OCRL: variants seen among roughly 807,000 people sequenced by gnomAD.
OCRL encodes the protein OCRL inositol polyphosphate-5-phosphatase.
A neutral mutation model predicts 78.9 loss-of-function variants in OCRL; 8 were observed. The observed-to-expected ratio is 0.10, with a 90% CI of 0.06 to 0.18. The LOEUF (loss-of-function observed/expected upper bound fraction) is 0.18. Among genes scored for constraint, OCRL ranks in the 10% least tolerant of loss-of-function variants. OCRL has a pLI of 1.00. For synonymous variants in OCRL, 240 were observed against 235.4 expected (o/e 1.02, Z -0.18); for missense variants, 454 against 696.7 (o/e 0.65, Z 3.92).
chrX:129,570,366 A>G (rs903781491), intron 15 of OCRL, among the ~76,000 whole-genome samples: 3 of 111,711 alleles, frequency 2.7e-5, no homozygotes, highest in Admixed American at 1.9e-4. Context: ...TTCCTCCTCT[A>G]TTAAGCGTGG....
chrX:129,545,069 A>G lies in OCRL; in HGVS notation c.199+32A>G, dbSNP rs180956085. The stretch of plus-strand genomic sequence containing the variant: ...GCTTTAATTCCTTAGCTAGTTTTAT[A>G]ATGTTTTTTCTCGGTCATTACTGCA... On this transcript the variant is annotated intron_variant, in intron 3 of 23. Transcript: ENST00000371113. 2.5e-3 allele frequency: 2,002 copies of G among 803,736 alleles called. 22 individuals carry two copies. The African/African-American group carries it at 0.036, about 15-fold the overall frequency. The allele number at this position is 803,736 out of a possible 1,213,427, so 66.2% of individuals were successfully genotyped here.
intron 12 of OCRL, among the ~76,000 whole-genome samples, chrX:129,564,421 C>T (rs1252277856): frequency 9.0e-6 from 1 of 110,996 alleles, no homozygotes; most frequent in Admixed American, 9.6e-5. Context: ...CATATGCACA[C>T]GTATGTTTAT....
In OCRL at chrX:129,548,555, CCT is replaced by C. The variant is rs753117153; in HGVS notation, c.200-4_200-3del. ...CCTAATCCTACTCTCTTTTTTTTCC[CCT>C]CTCAGAAGCAGAAGAAACTCTTTTG... On this transcript the variant is annotated splice_polypyrimidine_tract_variant and splice_region_variant and intron_variant, in intron 3 of 23. Transcript: ENST00000371113. 19 of 1,195,016 alleles carry C rather than the reference CCT, an allele frequency of 1.6e-5. No individual in the cohort carries two copies. The Admixed American group carries it at 4.2e-4, about 26-fold the overall frequency.
At chrX:129,567,986 G>T (rs1055697991) in intron 14 of OCRL, among the ~76,000 whole-genome samples, 1 of 104,963 alleles carries the variant, frequency 9.5e-6, no homozygotes, top group African/African-American at 3.5e-5. Flanking sequence ...CAATCTCGGC[G>T]CACTGCAAGC....
chrX:129,554,780 C>T (rs1372158678), intron 4 of OCRL, among the ~76,000 whole-genome samples: 1 of 107,871 alleles, frequency 9.3e-6, no homozygotes, highest in Non-Finnish European at 1.9e-5. Flanking sequence ...GGTGAAACCG[C>T]GTCTCTACTA....
chrX:129,586,687 T>G, intron 19 of OCRL: 1 of 387,620 alleles, frequency 2.6e-6, no homozygotes. Flanking sequence ...CCACTGTGAC[T>G]GTATCACCGG....
rs756213528 is a variant in OCRL at position 129,554,221 on chromosome X, G to T, written c.239-3104G>T. ...TGGAAGGAATAACATGTCAGGGTGG[G>T]ATATTTGAATTAGAGGTTTATGAAG... On this transcript the variant is annotated intron_variant, in intron 4 of 23. Transcript: ENST00000371113. Among the ~76,000 whole-genome samples the T allele has an allele frequency of 2.7e-5, 3 of 110,495 alleles. No individual in the cohort carries two copies. In the South Asian group the frequency reaches 1.2e-3, roughly 43 times the overall value.
At chrX:129,555,580 A>G (rs1936034211) in intron 4 of OCRL, among the ~76,000 whole-genome samples, 2 of 112,504 alleles carry the variant, frequency 1.8e-5, no homozygotes, top group Non-Finnish European at 3.7e-5. Context: ...TTGAGGATGT[A>G]GGAGTGTTTG....
chrX:129,546,086 T>C (rs1935874851), intron 3 of OCRL, among the ~76,000 whole-genome samples: 1 of 112,123 alleles, frequency 8.9e-6, no homozygotes, highest in African/African-American at 3.3e-5. Context: ...TTTTAATCAC[T>C]AAGTGACATG....
Position 129,540,761 on chromosome X carries a change from G to A in OCRL, c.57G>A (p.Glu19=). 8.3e-7 allele frequency: 1 copy of A among 1,210,528 alleles called. No individual in the cohort carries two copies. The highest frequency in any genetic ancestry group is 1.1e-6 in the Non-Finnish European group (1 of 894,421). The part of the protein sequence containing the change: ...AQPLATVEGM[E]MKGPLREPCA... ...GCCCGCATACTGTCGAGGGTATGGA[G>A]ATGAAGGGTCCTCTCCGGGAGCCCT... The change falls in exon 2 of 24, where the codon GAG becomes GAA. Residue 19 remains glutamate, a synonymous_variant. Coordinates refer to ENST00000371113, the MANE Select transcript of OCRL (RefSeq NM_000276.4).
chrX:129,559,359 C>T (rs1319553399), intron 8 of OCRL, among the ~76,000 whole-genome samples: 2 of 111,589 alleles, frequency 1.8e-5, no homozygotes, highest in Non-Finnish European at 3.8e-5. Context: ...CCACCACATC[C>T]AGCTAATATT....
At chrX:129,590,113 G>A in intron 23 of OCRL, 33 bp from the exon 24 acceptor site, 1 of 1,211,664 alleles carries the variant, frequency 8.3e-7, no homozygotes. Context: ...ATGTCTGACA[G>A]AAGTTTCCGC....
intron 4 of OCRL, among the ~76,000 whole-genome samples, chrX:129,555,111 G>A (rs1936023575): frequency 9.1e-6 from 1 of 110,434 alleles, no homozygotes; most frequent in Non-Finnish European, 1.9e-5. Flanking sequence ...AACTACGAGT[G>A]CCTGGGCTTC....
intron 18 of OCRL, among the ~76,000 whole-genome samples, chrX:129,583,364 T>A (rs766684176): frequency 8.9e-6 from 1 of 112,005 alleles, no homozygotes; most frequent in South Asian, 3.8e-4. Context: ...ATTGTCCTTT[T>A]TGAATTGTCT....
chrX:129,584,903 A>T (rs1443019944), intron 19 of OCRL, among the ~76,000 whole-genome samples: 1 of 112,190 alleles, frequency 8.9e-6, no homozygotes, highest in African/African-American at 3.2e-5. Flanking sequence ...TCTCCATTCT[A>T]ATAGATGAGA....
chrX:129,554,736 G>A (rs1297605369), intron 4 of OCRL, among the ~76,000 whole-genome samples: 2 of 110,235 alleles, frequency 1.8e-5, no homozygotes, highest in South Asian at 3.8e-4. Context: ...GGCGGATCAC[G>A]AGGCCAGTAG....
chrX:129,575,703 A>T, intron 16 of OCRL, 194 bp from the exon 17 acceptor site: 2 of 480,934 alleles, frequency 4.2e-6, no homozygotes, highest in Non-Finnish European at 7.2e-6. Flanking sequence ...GAGCCACCTA[A>T]CTCCTTCTCT....
intron 9 of OCRL, 98 bp from the exon 10 acceptor site, chrX:129,561,081 C>T: frequency 1.7e-6 from 1 of 590,427 alleles, no homozygotes. Context: ...TTATCTCTCT[C>T]CCATCTTTTT....
intron 18 of OCRL, among the ~76,000 whole-genome samples, chrX:129,576,823 C>T (rs1308811700): frequency 9.0e-6 from 1 of 111,697 alleles, no homozygotes; most frequent in Non-Finnish European, 1.9e-5. Context: ...AGATATAATG[C>T]TTGTTTGTTA....
Sources: gnomAD v4.1 joint callset for allele counts (sites outside exome capture counted in the v4.1 genomes callset) on GRCh38, gnomAD v4.1.1 for gene constraint, MANE v1.5 for transcripts, NCBI Gene and HGNC (gene_info 2026-07-23, HGNC 2026-07-21) for gene names.